Variants in FAM228B observed in about 807,000 individuals in gnomAD.
FAM228B encodes protein FAM228B.
Under a neutral mutation model 42.6 loss-of-function variants are expected in FAM228B, and 38 were observed. The observed-to-expected ratio is 0.89, with a 90% CI of 0.69 to 1.17. The LOEUF (loss-of-function observed/expected upper bound fraction) is 1.17. Among genes scored for constraint, FAM228B ranks in the 50% most tolerant of loss-of-function variants. FAM228B has a pLI of 0.00. For missense variants in FAM228B, 344 were observed against 367.3 expected, an observed-to-expected ratio of 0.94 and a Z score of 0.52; for synonymous variants, 109 against 122.3, an observed-to-expected ratio of 0.89 and a Z score of 0.72.
At chr2:24,151,117 TTC>T (rs1373354327) in intron 7 of FAM228B, among the ~76,000 whole-genome samples, 1 of 152,162 alleles carries the variant, frequency 6.6e-6, no homozygotes, top group East Asian at 1.9e-4. Flanking sequence ...TTGTTTTTTA[TTC>T]TTTTTTTCTT....
In FAM228B at chr2:24,084,540, G is replaced by A. The variant is rs911569799; in HGVS notation, c.-210+3585G>A. The A allele has an allele frequency of 8.3e-6, 5 of 605,620 alleles. No individual in the cohort carries two copies. The highest frequency in any genetic ancestry group is 1.3e-5 in the Non-Finnish European group (5 of 375,098). 37.5% of individuals were successfully genotyped at this position (605,620 alleles called of 1,614,324 possible). A position where few individuals can be genotyped will look rare whatever the true frequency, so the allele number is the denominator to read the frequency against. On this transcript the variant is annotated intron_variant, in intron 2 of 10. Transcript: ENST00000613899. This position sits in a 1 kb window ranked among gnomAD's most constrained non-coding sequence, Gnocchi z 8.4. ...GGCCTCCGCCCCGAGCTCCTGCCTG[G>A]GAAGTCCTCGGCCGCCTCCAGACCG...
At chr2:24,167,916 G>T (rs756260224) in intron 10 of FAM228B, 13 of 434,282 alleles carry the variant, frequency 3.0e-5, no homozygotes, top group Non-Finnish European at 4.2e-5. Flanking sequence ...ACTTCCAAGT[G>T]ATCTTCAGAG....
At chr2:24,120,833 G>A (rs1352028986), upstream of FAM228B, among the ~76,000 whole-genome samples, 1 of 151,850 alleles carries the variant, frequency 6.6e-6, no homozygotes, top group South Asian at 2.1e-4. Flanking sequence ...CACTGTGCCT[G>A]GCCACTGAGA....
In FAM228B at chr2:24,084,597, G is replaced by C. The variant is rs1308857401; in HGVS notation, c.-210+3642G>C. On this transcript the variant is annotated intron_variant, in intron 2 of 10. Coordinates refer to the FAM228B transcript ENST00000613899. The surrounding 1 kb of genome is among the most constrained non-coding windows in gnomAD (Gnocchi z 8.4). The stretch of plus-strand genomic sequence containing the variant: ...CCCGGAACACAGATGGGAACGGCGG[G>C]AAGTGGGATGGCGGTACAGGGCTGG... The C allele has an allele frequency of 2.4e-6, 1 of 412,482 alleles. No homozygotes were observed. Among genetic ancestry groups the C allele is most frequent in the Non-Finnish European group, 4.3e-6 (1 of 232,454 alleles). The allele number at this position is 412,482 out of a possible 1,614,324, so 25.6% of individuals were successfully genotyped here.
rs1192503315 is a variant in FAM228B at position 24,095,765 on chromosome 2, C to T, written c.-121+536C>T. On this transcript the variant is annotated intron_variant, in intron 3 of 10. Coordinates refer to the FAM228B transcript ENST00000613899. This position sits in a 1 kb window ranked among gnomAD's most constrained non-coding sequence, Gnocchi z 4.8. The stretch of plus-strand genomic sequence containing the variant: ...CTGAAGAGAGCATTGGTTCTCTCAG[C>T]ACGGTGTTTGAGCTCTGAGAACGGA... 1 of 152,324 alleles carries T rather than the reference C, an allele frequency of 6.6e-6. No individual in the cohort carries two copies. Among genetic ancestry groups the T allele is most frequent in the Non-Finnish European group, 1.5e-5 (1 of 68,110 alleles). 9.4% of individuals were successfully genotyped at this position (152,324 alleles called of 1,614,324 possible). A position where few individuals can be genotyped will look rare whatever the true frequency, so the allele number is the denominator to read the frequency against.
intron 2 of FAM228B, among the ~76,000 whole-genome samples, chr2:24,126,636 A>T (rs1188856684): frequency 6.7e-6 from 1 of 148,156 alleles, no homozygotes; most frequent in Non-Finnish European, 1.5e-5. Flanking sequence ...TTTGAGACAG[A>T]GTCTTGCTCT....
At chr2:24,090,137 T>G (rs188694004) in intron 2 of FAM228B, among the ~76,000 whole-genome samples, 11 of 151,336 alleles carry the variant, frequency 7.3e-5, no homozygotes, top group South Asian at 2.1e-4. Flanking sequence ...GGGTGGTGGC[T>G]GGCGCCTGTA....
At chr2:24,089,853 T>C (rs1048232061) in intron 2 of FAM228B, among the ~76,000 whole-genome samples, 1 of 151,716 alleles carries the variant, frequency 6.6e-6, no homozygotes, top group Non-Finnish European at 1.5e-5. Flanking sequence ...CGCATCCCTG[T>C]AATCTCAGCT....
At chr2:24,125,416 T>C (rs1019757316) in intron 2 of FAM228B, among the ~76,000 whole-genome samples, 1 of 152,162 alleles carries the variant, frequency 6.6e-6, no homozygotes. Flanking sequence ...AGTTTTGACA[T>C]GTATACACAC....
chr2:24,165,174 T>C (rs1384091219), intron 9 of FAM228B, among the ~76,000 whole-genome samples: 1 of 152,058 alleles, frequency 6.6e-6, no homozygotes, highest in Admixed American at 6.6e-5. Flanking sequence ...ATGAATTATT[T>C]AGAGGAATTG....
At chr2:24,117,731 C>G (rs193038974) in intron 3 of FAM228B, among the ~76,000 whole-genome samples, 37 of 152,324 alleles carry the variant, frequency 2.4e-4, no homozygotes, top group African/African-American at 8.2e-4. Flanking sequence ...GTGTGAGCCA[C>G]CCCATCTGGC....
chr2:24,129,251 GTTC>G (rs780352972), intron 2 of FAM228B, among the ~76,000 whole-genome samples: 3 of 150,500 alleles, frequency 2.0e-5, no homozygotes, highest in Non-Finnish European at 3.0e-5. Flanking sequence ...AGGGGCCACT[GTTC>G]TTCTTTGCCT....
Position 24,084,638 on chromosome 2 carries a change from A to G in FAM228B, c.-210+3683A>G, listed in dbSNP as rs1014950385. ...ACAGGGCTGGATGCGGCAGAGCAGG[A>G]CAACGCCGAAGAGGATCAGGCAAAT... On this transcript the variant is annotated intron_variant, in intron 2 of 10. Transcript: ENST00000613899. This position sits in a 1 kb window ranked among gnomAD's most constrained non-coding sequence, Gnocchi z 8.4. 1.4e-5 allele frequency: 4 copies of G among 294,784 alleles called. No homozygotes were observed. Among genetic ancestry groups the G allele is most frequent in the Non-Finnish European group, 1.9e-5 (3 of 159,330 alleles). The allele number at this position is 294,784 out of a possible 1,614,324, so 18.3% of individuals were successfully genotyped here. A position where few individuals can be genotyped will look rare whatever the true frequency, so the allele number is the denominator to read the frequency against.
intron 7 of FAM228B, among the ~76,000 whole-genome samples, chr2:24,157,459 C>T (rs535387400): frequency 1.6e-4 from 24 of 152,136 alleles, no homozygotes; most frequent in South Asian, 4.2e-4. Flanking sequence ...AAATTCTGGC[C>T]GGGCATGGTG....
At chr2:24,086,493 CTCCT>C (rs776832030) in intron 2 of FAM228B, among the ~76,000 whole-genome samples, 8 of 151,718 alleles carry the variant, frequency 5.3e-5, no homozygotes, top group African/African-American at 7.3e-5. Context: ...CCCTCCCTCC[CTCCT>C]TCCTTCCTTC....
chr2:24,093,486 C>CT (rs1423543568), intron 2 of FAM228B, among the ~76,000 whole-genome samples: 2 of 152,102 alleles, frequency 1.3e-5, no homozygotes, highest in Non-Finnish European at 2.9e-5. Flanking sequence ...TGAACTCACT[C>CT]TTTTTTATGG....
chr2:24,143,631 GTT>G (rs909987393), intron 5 of FAM228B, among the ~76,000 whole-genome samples: 10 of 152,028 alleles, frequency 6.6e-5, no homozygotes, highest in Admixed American at 3.3e-4. Context: ...ACATAAAGAA[GTT>G]TACAAAAATG....
chr2:24,114,983 G>A (rs1235643523), intron 3 of FAM228B, among the ~76,000 whole-genome samples: 1 of 152,198 alleles, frequency 6.6e-6, no homozygotes, highest in Non-Finnish European at 1.5e-5. Flanking sequence ...ATGGGAGTGT[G>A]AAATGTCCAT....
upstream of FAM228B, chr2:24,121,359 A>C: frequency 6.5e-7 from 1 of 1,542,840 alleles, no homozygotes; most frequent in Non-Finnish European, 8.8e-7. Context: ...GGCCAGCCAA[A>C]TTTAGCCCAC....
Sources: gnomAD v4.1 joint callset for allele counts (sites outside exome capture counted in the v4.1 genomes callset) on GRCh38, gnomAD v4.1.1 for gene constraint, Gnocchi (gnomAD v3.1) non-coding constraint, MANE v1.5 for transcripts, NCBI Gene and HGNC (gene_info 2026-07-23, HGNC 2026-07-21) for gene names.